Variants in ZNF804A observed in about 807,000 individuals in gnomAD.
ZNF804A encodes zinc finger protein 804A.
In ZNF804A, 2 loss-of-function variants were observed where a neutral mutation model predicts 16.5. The ratio of observed to expected loss-of-function variants is 0.12; its 90% confidence interval spans 0.05 to 0.38. ZNF804A has a LOEUF of 0.38. Among genes scored for constraint, ZNF804A ranks in the 10% least tolerant of loss-of-function variants. ZNF804A has a pLI of 0.99. For missense variants in ZNF804A, 1,473 were observed against 1,390.7 expected, an observed-to-expected ratio of 1.06 and a Z score of -0.94; for synonymous variants, 534 against 489.6, an observed-to-expected ratio of 1.09 and a Z score of -1.20.
At chr2:184,625,496 A>T (rs763299173) in intron 1 of ZNF804A, among the ~76,000 whole-genome samples, 20 of 152,144 alleles carry the variant, frequency 1.3e-4, no homozygotes, top group Non-Finnish European at 1.8e-4. Flanking sequence ...GTTTCATTAC[A>T]TAAAGATGAA....
chr2:184,614,786 A>G (rs1331508433), intron 1 of ZNF804A, among the ~76,000 whole-genome samples: 2 of 152,226 alleles, frequency 1.3e-5, no homozygotes, highest in African/African-American at 4.8e-5. Flanking sequence ...CATGAAAAAA[A>G]GCTCATTATC....
At chr2:184,608,314 G>A (rs1451748782) in intron 1 of ZNF804A, among the ~76,000 whole-genome samples, 2 of 152,086 alleles carry the variant, frequency 1.3e-5, no homozygotes, top group African/African-American at 2.4e-5. Context: ...TGTATTTTCT[G>A]GATAGTTTAC....
At chr2:184,927,256 A>G (rs957465611) in intron 2 of ZNF804A, among the ~76,000 whole-genome samples, 2 of 152,202 alleles carry the variant, frequency 1.3e-5, no homozygotes. Flanking sequence ...CAGAGATACC[A>G]CCTCCAAGGT....
chr2:184,743,430 T>C (rs565959390), intron 1 of ZNF804A, among the ~76,000 whole-genome samples: 1 of 152,134 alleles, frequency 6.6e-6, no homozygotes, highest in South Asian at 2.1e-4. Flanking sequence ...TTAATTTTGA[T>C]TATTTCCATT....
intron 3 of ZNF804A, among the ~76,000 whole-genome samples, chr2:184,935,197 T>C: frequency 6.6e-6 from 1 of 152,134 alleles, no homozygotes. Context: ...TTCAGGATAA[T>C]TTTAAATATT....
intron 1 of ZNF804A, among the ~76,000 whole-genome samples, chr2:184,729,953 A>G (rs546917817): frequency 3.3e-5 from 5 of 152,206 alleles, no homozygotes; most frequent in African/African-American, 1.2e-4. Flanking sequence ...ACACTCATGG[A>G]GTAAATATGT....
At chr2:184,897,465 C>T (rs902423321) in intron 2 of ZNF804A, among the ~76,000 whole-genome samples, 3 of 150,604 alleles carry the variant, frequency 2.0e-5, no homozygotes, top group African/African-American at 4.9e-5. Context: ...CCTTTCCATA[C>T]AGCATTTTTT....
intron 1 of ZNF804A, among the ~76,000 whole-genome samples, chr2:184,665,661 G>T (rs1692244202): frequency 6.6e-6 from 1 of 152,204 alleles, no homozygotes; most frequent in Non-Finnish European, 1.5e-5. Context: ...AAGATCTGGG[G>T]AATAAGCCTC....
At chr2:184,824,661 T>C (rs919007802) in intron 1 of ZNF804A, among the ~76,000 whole-genome samples, 1 of 152,160 alleles carries the variant, frequency 6.6e-6, no homozygotes, top group Non-Finnish European at 1.5e-5. Flanking sequence ...ACTTTTTTAT[T>C]GTAATTCTGG....
intron 1 of ZNF804A, among the ~76,000 whole-genome samples, chr2:184,755,349 GT>G (rs1173683922): frequency 6.6e-6 from 1 of 151,864 alleles, no homozygotes; most frequent in Non-Finnish European, 1.5e-5. Context: ...TAAATGAAGT[GT>G]TTGTTTCTAT....
chr2:184,743,880 A>G (rs1054876131), intron 1 of ZNF804A, among the ~76,000 whole-genome samples: 1 of 152,004 alleles, frequency 6.6e-6, no homozygotes, highest in Non-Finnish European at 1.5e-5. Context: ...ACAGACATGA[A>G]GTATAAAAGC....
At chr2:184,637,050 T>C (rs2105690673) in intron 1 of ZNF804A, among the ~76,000 whole-genome samples, 1 of 152,336 alleles carries the variant, frequency 6.6e-6, no homozygotes, top group South Asian at 2.1e-4. Context: ...ATGATCTATG[T>C]GGTTTCAATA....
At chr2:184,781,084 T>A (rs569227448) in intron 1 of ZNF804A, among the ~76,000 whole-genome samples, 18 of 151,844 alleles carry the variant, frequency 1.2e-4, no homozygotes, top group African/African-American at 4.3e-4. Flanking sequence ...CCTTGGAGAT[T>A]AGCAGAAGCC....
Position 184,876,106 on chromosome 2 carries a change from T to C in ZNF804A, c.255+9594T>C, listed in dbSNP as rs1412614894. Among the ~76,000 whole-genome samples, 5 of 152,312 alleles carry C rather than the reference T, an allele frequency of 3.3e-5. No homozygotes were observed. In the East Asian group the frequency reaches 9.6e-4, roughly 29 times the overall value. Reference sequence around the variant, plus strand: ...TGCTTTGCAGCATGCTATTTTGTTCTGCCCCAGAGGAAGTCAAGGTCAGGC... The same window carrying C: ...TGCTTTGCAGCATGCTATTTTGTTCCGCCCCAGAGGAAGTCAAGGTCAGGC... On this transcript the variant is annotated intron_variant, in intron 2 of 3. Transcript: ENST00000302277.
chr2:184,783,134 G>A (rs1694396168), intron 1 of ZNF804A, among the ~76,000 whole-genome samples: 1 of 116,284 alleles, frequency 8.6e-6, no homozygotes, highest in African/African-American at 3.1e-5. Flanking sequence ...ATATAAAAGA[G>A]TGAGTTTTTT....
chr2:184,652,509 C>G (rs978634099), intron 1 of ZNF804A, among the ~76,000 whole-genome samples: 1 of 151,980 alleles, frequency 6.6e-6, no homozygotes, highest in African/African-American at 2.4e-5. Context: ...AACTTTTTTA[C>G]TAATTCATTG....
chr2:184,846,114 G>A (rs565095536), intron 1 of ZNF804A, among the ~76,000 whole-genome samples: 1 of 152,106 alleles, frequency 6.6e-6, no homozygotes, highest in Non-Finnish European at 1.5e-5. Flanking sequence ...TGTCAGAGCT[G>A]AAACCAGAGG....
At chr2:184,682,208 G>A (rs551975192) in intron 1 of ZNF804A, among the ~76,000 whole-genome samples, 3 of 152,284 alleles carry the variant, frequency 2.0e-5, no homozygotes, top group South Asian at 4.1e-4. Flanking sequence ...GCCCTGCCAG[G>A]CAAAGTGGGC....
At chr2:184,757,169 T>A (rs773430133) in intron 1 of ZNF804A, among the ~76,000 whole-genome samples, 1 of 152,018 alleles carries the variant, frequency 6.6e-6, no homozygotes, top group East Asian at 1.9e-4. Context: ...TTTAATATTG[T>A]AAAAACAGCT....
Sources: allele counts gnomAD v4.1 joint callset (sites outside exome capture counted in the v4.1 genomes callset), GRCh38; gene constraint gnomAD v4.1.1; transcripts MANE v1.5; gene names NCBI Gene and HGNC (gene_info 2026-07-23, HGNC 2026-07-21).